PFKFB2: variants seen among roughly 807,000 people sequenced by gnomAD.
PFKFB2 encodes 6-phosphofructo-2-kinase/fructose-2,6-biphosphatase 2.
In PFKFB2, 53 loss-of-function variants were observed where a neutral mutation model predicts 68.0. The ratio of observed to expected loss-of-function variants is 0.78; its 90% CI spans 0.63 to 0.98. The LOEUF (loss-of-function observed/expected upper bound fraction) is 0.98, where lower values mean the gene tolerates loss of function less well. PFKFB2 is among the 50% of genes least tolerant of loss of function. The pLI, the probability that PFKFB2 is intolerant of heterozygous loss-of-function variation, is 0.00. For missense variants in PFKFB2, 451 were observed against 642.0 expected (o/e 0.70, Z 3.22); for synonymous variants, 222 against 227.6 (o/e 0.98, Z 0.22).
At chr1:207,056,272 G>C (rs751839703) in intron 2 of PFKFB2, among the ~76,000 whole-genome samples, 1 of 151,782 alleles carries the variant, frequency 6.6e-6, no homozygotes, top group Non-Finnish European at 1.5e-5. Flanking sequence ...CTCAAATGCT[G>C]TATTGGAAGC....
rs572713416 is a variant in PFKFB2 at position 207,075,344 on chromosome 1, G to T, written c.*2973G>T. Reference sequence around the variant, plus strand: ...TGGAATTTGGCAAGCAAGGGCTTCAGCATCCTTTAGTTTCTAAAGCAAGAT... The same window carrying T: ...TGGAATTTGGCAAGCAAGGGCTTCATCATCCTTTAGTTTCTAAAGCAAGAT... On this transcript the variant is annotated 3_prime_UTR_variant, in exon 15 of 15. Transcript: ENST00000367080. 2 of 985,350 alleles carry T rather than the reference G, an allele frequency of 2.0e-6. No individual in the cohort carries two copies. Among genetic ancestry groups the T allele is most frequent in the African/African-American group, 3.5e-5 (2 of 57,246 alleles). 61.0% of individuals were successfully genotyped at this position (985,350 alleles called of 1,614,324 possible). A position where few individuals can be genotyped will look rare whatever the true frequency, so the allele number is the denominator to read the frequency against.
upstream of PFKFB2, among the ~76,000 whole-genome samples, chr1:207,052,516 C>G (rs1682780434): frequency 6.6e-6 from 1 of 152,138 alleles, no homozygotes; most frequent in Admixed American, 6.5e-5. Flanking sequence ...ACAAAATTAG[C>G]TGGGCGTGGT....
At chr1:207,066,865 G>A (rs1683303094) in intron 8 of PFKFB2, among the ~76,000 whole-genome samples, 1 of 152,066 alleles carries the variant, frequency 6.6e-6, no homozygotes, top group South Asian at 2.1e-4. Flanking sequence ...TGTTGGCCAG[G>A]CTGTTCTCAA....
In PFKFB2 at chr1:207,077,102, G is replaced by C. The variant is rs75079916; in HGVS notation, c.*4731G>C. On this transcript the variant is annotated 3_prime_UTR_variant, in exon 15 of 15. Coordinates refer to ENST00000367080, the MANE Select transcript of PFKFB2 (RefSeq NM_006212.2). ...TGTGAACTCAGCTAAGGGAATGCCT[G>C]TTCAGAGCCTGGAGTTGTTACCTTT... 1,682 of 984,940 alleles carry C rather than the reference G, an allele frequency of 1.7e-3. 25 individuals are homozygous for C. In the African/African-American group the frequency reaches 0.028, roughly 16 times the overall value. The allele number at this position is 984,940 out of a possible 1,614,324, so 61.0% of individuals were successfully genotyped here. A position where few individuals can be genotyped will look rare whatever the true frequency, so the allele number is the denominator to read the frequency against.
intron 8 of PFKFB2, among the ~76,000 whole-genome samples, chr1:207,065,592 T>G (rs1013506633): frequency 2.0e-5 from 3 of 151,850 alleles, no homozygotes; most frequent in African/African-American, 7.3e-5. Flanking sequence ...GCTCAAGTAA[T>G]CCACCCGCCT....
intron 2 of PFKFB2, among the ~76,000 whole-genome samples, chr1:207,056,990 G>T (rs886777709): frequency 1.3e-5 from 2 of 152,156 alleles, no homozygotes; most frequent in African/African-American, 2.4e-5. Flanking sequence ...ACTCCGGGAA[G>T]TGACTGGGCT....
Position 207,065,025 on chromosome 1 carries a change from T to G in PFKFB2, c.508-11T>G, listed in dbSNP as rs755606434. The G allele has an allele frequency of 1.3e-5, 21 of 1,613,348 alleles. 1 individual carries two copies. ...CTCTGATGAGGCCTTTACTGGTTCC[T>G]ATGATTTCAGGAGGTTAAGGTATCA... On this transcript the variant is annotated splice_polypyrimidine_tract_variant and intron_variant, in intron 7 of 14. Coordinates refer to ENST00000367080, the MANE Select transcript of PFKFB2 (RefSeq NM_006212.2).
upstream of PFKFB2, chr1:207,049,206 G>T (rs762873657): frequency 6.2e-7 from 1 of 1,614,092 alleles, no homozygotes; most frequent in East Asian, 2.2e-5. Context: ...CATCATTAGA[G>T]GAGAAAATGG....
chr1:207,067,126 C>G (rs1489291711), intron 8 of PFKFB2, among the ~76,000 whole-genome samples: 2 of 152,178 alleles, frequency 1.3e-5, no homozygotes, highest in African/African-American at 4.8e-5. Context: ...CATATTCTGG[C>G]CAGGTCTTAA....
In PFKFB2 at chr1:207,074,616, A is replaced by T. The variant is rs1455761632; in HGVS notation, c.*2245A>T. On this transcript the variant is annotated 3_prime_UTR_variant, in exon 15 of 15. Transcript: ENST00000367080. ...GATTCTTCTCAAAATTGTGTCCAAG[A>T]TGTTAAGTAACCTGCTATTCCTGTT... 1.0e-6 allele frequency: 1 copy of T among 985,396 alleles called. No homozygotes were observed. The highest frequency in any genetic ancestry group is 1.7e-5 in the African/African-American group (1 of 57,342). 61.0% of individuals were successfully genotyped at this position (985,396 alleles called of 1,614,324 possible).
intron 2 of PFKFB2, chr1:207,046,722 A>C (rs1264968687): frequency 6.6e-6 from 1 of 152,108 alleles, no homozygotes. Context: ...GAAGGGGTTT[A>C]ATTCTGTAAA....
At chr1:207,068,972 C>T (rs1413976617) in intron 10 of PFKFB2, among the ~76,000 whole-genome samples, 2 of 152,154 alleles carry the variant, frequency 1.3e-5, no homozygotes, top group African/African-American at 4.8e-5. Context: ...GTCTTGAACT[C>T]CTGACCTTGT....
chr1:207,040,422 A>G (rs894501544), intron 1 of PFKFB2, among the ~76,000 whole-genome samples: 9 of 152,226 alleles, frequency 5.9e-5, no homozygotes, highest in Admixed American at 3.3e-4. Flanking sequence ...CACTTCGTGT[A>G]TGGAAGGAAT....
chr1:207,061,631 C>A (rs2842752), intron 2 of PFKFB2, among the ~76,000 whole-genome samples: 11,490 of 152,192 alleles, frequency 0.075, 1,436 homozygotes, highest in African/African-American at 0.26. Flanking sequence ...CGCCTGTAAT[C>A]CCAGCACTTT....
chr1:207,035,690 AG>A (rs112345013), intron 1 of PFKFB2, among the ~76,000 whole-genome samples: 16,172 of 150,836 alleles, frequency 0.11, 2,883 homozygotes, highest in African/African-American at 0.37. Flanking sequence ...AAACAAAAAA[AG>A]AAAAGAGGTT....
chr1:207,073,139 C>G lies in PFKFB2; in HGVS notation c.*768C>G. ...AGTTCTTGCCTCCTTTCATGAGAAA[C>G]AGTTCTAAGTCTTCGATGCCCTGGG... On this transcript the variant is annotated 3_prime_UTR_variant, in exon 15 of 15. Transcript: ENST00000367080. 1.0e-6 allele frequency: 1 copy of G among 985,492 alleles called. No individual in the cohort carries two copies. Among genetic ancestry groups the G allele is most frequent in the Non-Finnish European group, 1.2e-6 (1 of 829,976 alleles). The allele number at this position is 985,492 out of a possible 1,614,324, so 61.0% of individuals were successfully genotyped here. A position where few individuals can be genotyped will look rare whatever the true frequency, so the allele number is the denominator to read the frequency against.
rs1402553375 is a variant in PFKFB2, at chr1:207,071,526, A to G, written c.1303A>G (p.Ile435Val). ...TTTCTCAGGGTGCAAAGTGGAAACA[A>G]TTAAACTTAACGTGGAGGCTGTGAA... ...PVAYGCKVET[I>V]KLNVEAVNTH... is the part of the protein sequence containing the mutation. The change falls in exon 14 of 15, where the codon ATT becomes GTT. Residue 435 changes from isoleucine (I) to valine (V), a missense_variant. Transcript: ENST00000367080. The G allele has an allele frequency of 6.2e-7, 1 of 1,613,896 alleles. No individual in the cohort carries two copies. Among genetic ancestry groups the G allele is most frequent in the Non-Finnish European group, 8.5e-7 (1 of 1,179,774 alleles).
At chr1:207,045,412 T>C (rs1682575455) in intron 2 of PFKFB2, 1 of 152,544 alleles carries the variant, frequency 6.6e-6, no homozygotes, top group Admixed American at 6.5e-5. Context: ...ATGGCAATCT[T>C]TGATTAAGAA....
rs1683616656 is a variant in PFKFB2, at chr1:207,076,185, C to T, written c.*3814C>T. On this transcript the variant is annotated 3_prime_UTR_variant, in exon 15 of 15. Transcript: ENST00000367080. Reference sequence around the variant, plus strand: ...AACCCACATTTGGTCTTCAGAGACACTGGCATTTTGAAGAAACATATGATA... The same window carrying T: ...AACCCACATTTGGTCTTCAGAGACATTGGCATTTTGAAGAAACATATGATA... The T allele has an allele frequency of 1.0e-6, 1 of 983,966 alleles. No homozygotes were observed. The allele number at this position is 983,966 out of a possible 1,614,324, so 61.0% of individuals were successfully genotyped here.
Sources: gnomAD v4.1 joint callset for allele counts (sites outside exome capture counted in the v4.1 genomes callset) on GRCh38, gnomAD v4.1.1 for gene constraint, MANE v1.5 for transcripts, NCBI Gene and HGNC (gene_info 2026-07-23, HGNC 2026-07-21) for gene names.